Variants in C10orf143 observed in about 807,000 individuals in gnomAD.
C10orf143 encodes the protein chromosome 10 open reading frame 143.
intron 1 of C10orf143, among the ~76,000 whole-genome samples, chr10:130,103,765 G>A (rs537396612): frequency 2.6e-5 from 4 of 151,638 alleles, no homozygotes; most frequent in Admixed American, 6.6e-5. Context: ...AGCCATCATC[G>A]CTCCACTGCA....
chr10:130,075,372 C>T (rs193209720), intron 3 of C10orf143, among the ~76,000 whole-genome samples: 1 of 152,318 alleles, frequency 6.6e-6, no homozygotes, highest in African/African-American at 2.4e-5. Flanking sequence ...CCTGCCAGCA[C>T]TCTGGAGTGC....
intron 1 of C10orf143, among the ~76,000 whole-genome samples, chr10:130,081,557 G>A (rs913450999): frequency 8.6e-5 from 13 of 152,016 alleles, no homozygotes; most frequent in African/African-American, 3.1e-4. Context: ...AGTTACAACT[G>A]ATGGCATTAA....
At chr10:130,078,052 A>G (rs945702332) in intron 3 of C10orf143, among the ~76,000 whole-genome samples, 1 of 152,248 alleles carries the variant, frequency 6.6e-6, no homozygotes, top group Non-Finnish European at 1.5e-5. Flanking sequence ...TTACATATCA[A>G]TGAAGGTTTT....
At chr10:130,109,075 G>C (rs1861714171) in intron 1 of C10orf143, among the ~76,000 whole-genome samples, 1 of 152,034 alleles carries the variant, frequency 6.6e-6, no homozygotes, top group African/African-American at 2.4e-5. Context: ...CAGTGAGACT[G>C]TCTGCTCTCC....
intron 3 of C10orf143, chr10:130,068,671 C>T (rs1681139564): frequency 6.8e-6 from 1 of 148,108 alleles, no homozygotes. Flanking sequence ...AGAATGATGT[C>T]TCACCAAATA....
intron 3 of C10orf143, among the ~76,000 whole-genome samples, chr10:130,054,752 T>C (rs1478422323): frequency 6.6e-6 from 1 of 152,192 alleles, no homozygotes. Context: ...CCCTGATGAG[T>C]AGTAACATTG....
At chr10:130,036,763 C>T (rs1309140778) in intron 3 of C10orf143, among the ~76,000 whole-genome samples, 2 of 152,162 alleles carry the variant, frequency 1.3e-5, no homozygotes, top group Non-Finnish European at 2.9e-5. Flanking sequence ...TGCACACTGT[C>T]CTGTGCTCCT....
intron 1 of C10orf143, among the ~76,000 whole-genome samples, chr10:130,082,927 GACTAT>G (rs1261064987): frequency 6.6e-6 from 1 of 151,926 alleles, no homozygotes; most frequent in Non-Finnish European, 1.5e-5. Context: ...TGACAAGTTT[GACTAT>G]ATGAAAATAA....
intron 1 of C10orf143, 54 bp downstream of exon 1, chr10:130,110,650 C>T (rs1282064102): frequency 2.5e-6 from 1 of 398,328 alleles, no homozygotes; most frequent in Non-Finnish European, 4.4e-6. Flanking sequence ...GGTGGGAACC[C>T]GCCCAGGGGC....
At chr10:130,050,897 C>T (rs879730442) in intron 3 of C10orf143, among the ~76,000 whole-genome samples, 1 of 152,182 alleles carries the variant, frequency 6.6e-6, no homozygotes, top group Admixed American at 6.5e-5. Flanking sequence ...GCCAGTGCCC[C>T]GACTTCCTTG....
chr10:130,043,966 G>A (rs995650296), intron 3 of C10orf143, among the ~76,000 whole-genome samples: 1 of 151,984 alleles, frequency 6.6e-6, no homozygotes, highest in Non-Finnish European at 1.5e-5. Context: ...CACCTGGACA[G>A]TGCCCAGGGG....
chr10:130,044,383 T>TCCAGC (rs1358163591), intron 3 of C10orf143, among the ~76,000 whole-genome samples: 1 of 152,016 alleles, frequency 6.6e-6, no homozygotes, highest in Non-Finnish European at 1.5e-5. Context: ...TGACGCCTCC[T>TCCAGC]CCAGCCCAGC....
Position 130,056,986 on chromosome 10 carries a change from C to T in C10orf143, c.298-21016G>A, listed in dbSNP as rs1336733614. Among the ~76,000 whole-genome samples the T allele has an allele frequency of 6.6e-6, 1 of 152,006 alleles. No individual in the cohort carries two copies. The highest frequency in any genetic ancestry group is 1.5e-5 in the Non-Finnish European group (1 of 68,012). Reference sequence around the variant, plus strand: ...CACTGCAGCCTTGATCTCCTGGGCTCAAGTGACTCTCCCACTTCAGTCTCA... The same window carrying T: ...CACTGCAGCCTTGATCTCCTGGGCTTAAGTGACTCTCCCACTTCAGTCTCA... On this transcript the variant is annotated intron_variant and NMD_transcript_variant, in intron 3 of 5. Transcript: ENST00000643056. This position sits in a 1 kb window ranked among gnomAD's most constrained non-coding sequence, Gnocchi z 4.6.
intron 3 of C10orf143, among the ~76,000 whole-genome samples, chr10:130,043,766 T>A (rs1860634013): frequency 6.6e-6 from 1 of 152,252 alleles, no homozygotes; most frequent in Admixed American, 6.5e-5. Flanking sequence ...GAGGTGCTTA[T>A]GCCCTGCCTT....
chr10:130,099,314 G>T (rs999910127), intron 1 of C10orf143, among the ~76,000 whole-genome samples: 1 of 151,992 alleles, frequency 6.6e-6, no homozygotes, highest in Non-Finnish European at 1.5e-5. Context: ...CTTGCTTCTT[G>T]AGGAATGGGT....
At chr10:130,084,677 C>CAT (rs1212868645) in intron 1 of C10orf143, among the ~76,000 whole-genome samples, 22 of 151,416 alleles carry the variant, frequency 1.5e-4, no homozygotes, top group Non-Finnish European at 2.4e-4. Flanking sequence ...CACACACATA[C>CAT]ATATATATAT....
intron 3 of C10orf143, among the ~76,000 whole-genome samples, chr10:130,043,609 G>A (rs546351251): frequency 6.6e-6 from 1 of 152,218 alleles, no homozygotes; most frequent in Admixed American, 6.5e-5. Context: ...CCAAGGGGCA[G>A]GTTGGGGGAA....
chr10:130,085,381 CACA>C (rs1861275139), intron 1 of C10orf143, among the ~76,000 whole-genome samples: 1 of 152,210 alleles, frequency 6.6e-6, no homozygotes, highest in Non-Finnish European at 1.5e-5. Context: ...ACCAAGATGG[CACA>C]ACATCACTTC....
intron 3 of C10orf143, chr10:130,068,713 A>G (rs916496727): frequency 7.5e-6 from 1 of 133,540 alleles, no homozygotes; most frequent in Non-Finnish European, 1.6e-5. Flanking sequence ...AATTTTATAC[A>G]TATAAACTAA....
Sources: allele counts gnomAD v4.1 joint callset (sites outside exome capture counted in the v4.1 genomes callset), GRCh38; gene constraint gnomAD v4.1.1; non-coding constraint Gnocchi (gnomAD v3.1); transcripts MANE v1.5; gene names NCBI Gene and HGNC (gene_info 2026-07-23, HGNC 2026-07-21).